Variants in GPC5 observed in about 807,000 individuals in gnomAD.
GPC5 encodes the protein glypican-5.
A neutral mutation model predicts 53.9 loss-of-function variants in GPC5; 47 were observed. That is an observed-to-expected ratio of 0.87 (90% CI 0.69 to 1.11). The LOEUF (loss-of-function observed/expected upper bound fraction) is 1.11, where lower values mean the gene tolerates loss of function less well. GPC5 is among the 50% of genes most tolerant of loss of function. The pLI is 0.00. For synonymous variants in GPC5, 286 were observed against 263.3 expected (o/e 1.09, Z -0.84); for missense variants, 748 against 713.1 (o/e 1.05, Z -0.56).
At chr13:92,213,862 G>A (rs1316895296) in intron 7 of GPC5, among the ~76,000 whole-genome samples, 1 of 152,150 alleles carries the variant, frequency 6.6e-6, no homozygotes, top group East Asian at 1.9e-4. Context: ...GCCTTATAAA[G>A]AGTATTGTAA....
At chr13:91,952,833 C>T (rs938311248) in intron 6 of GPC5, among the ~76,000 whole-genome samples, 3 of 152,010 alleles carry the variant, frequency 2.0e-5, no homozygotes, top group African/African-American at 7.3e-5. Flanking sequence ...GAATGCCATG[C>T]TGGATGTATT....
intron 7 of GPC5, among the ~76,000 whole-genome samples, chr13:92,558,042 G>A (rs899323314): frequency 1.3e-5 from 2 of 151,956 alleles, no homozygotes; most frequent in Non-Finnish European, 2.9e-5. Flanking sequence ...GATGGGATCC[G>A]AGGTACTAAA....
chr13:91,584,487 A>G (rs1027260832), intron 2 of GPC5, among the ~76,000 whole-genome samples: 8 of 152,238 alleles, frequency 5.3e-5, no homozygotes, highest in African/African-American at 1.9e-4. Flanking sequence ...ATCAGTAAAT[A>G]TCTTCATAAT....
intron 2 of GPC5, among the ~76,000 whole-genome samples, chr13:91,624,239 T>G (rs1594346515): frequency 6.6e-6 from 1 of 152,136 alleles, no homozygotes; most frequent in Non-Finnish European, 1.5e-5. Flanking sequence ...CCCTATTGTA[T>G]TCTATTTATG....
chr13:92,673,267 C>CT (rs1218567441), intron 7 of GPC5, among the ~76,000 whole-genome samples: 8 of 150,564 alleles, frequency 5.3e-5, no homozygotes, highest in African/African-American at 4.9e-5. Flanking sequence ...GTGAATTACT[C>CT]TTTTTTTTCT....
At position 92,866,402 on chromosome 13, in the gene GPC5, T is replaced by C. The variant is rs370178799; in HGVS notation, c.1682T>C (p.Leu561Pro). The stretch of plus-strand genomic sequence containing the variant: ...GCGACTGAATCTATGACATTCACTC[T>C]GATAAGTGTGGTGATGTTACTTCCC... Reference protein sequence around the residue: ...AVATESMTFTLISVVMLLPGI... With the variant: ...AVATESMTFTPISVVMLLPGI... Residue 561 changes from leucine (L) to proline (P), a missense_variant, in exon 8 of 8, where the codon CTG (leucine) becomes CCG (proline). Leu to Pro is a moderately conservative substitution (Grantham distance 98). Transcript: ENST00000377067. The C allele has an allele frequency of 2.6e-5, 42 of 1,610,738 alleles. No individual in the cohort carries two copies. The African/African-American group carries it at 5.5e-4, about 21-fold the overall frequency.
intron 5 of GPC5, among the ~76,000 whole-genome samples, chr13:91,852,505 T>C (rs953253708): frequency 1.3e-5 from 2 of 152,048 alleles, no homozygotes; most frequent in African/African-American, 4.8e-5. Context: ...TCTCTTCTTA[T>C]AGATTTGCTT....
intron 3 of GPC5, among the ~76,000 whole-genome samples, chr13:91,717,227 G>A (rs2036357799): frequency 6.6e-6 from 1 of 152,240 alleles, no homozygotes; most frequent in Non-Finnish European, 1.5e-5. Flanking sequence ...CTGAAGTGTA[G>A]GATACTCAAA....
At chr13:92,011,168 T>C (rs897797384) in intron 6 of GPC5, among the ~76,000 whole-genome samples, 4 of 152,192 alleles carry the variant, frequency 2.6e-5, no homozygotes, top group Non-Finnish European at 5.9e-5. Context: ...AGACAGAATG[T>C]GCAAAATATT....
chr13:91,810,931 G>T, intron 5 of GPC5, among the ~76,000 whole-genome samples: 3 of 134,806 alleles, frequency 2.2e-5, no homozygotes, highest in African/African-American at 2.8e-5. Context: ...CAGAGATTTT[G>T]TGTAACCAAA....
chr13:92,052,289 G>A (rs2041036097), intron 6 of GPC5, among the ~76,000 whole-genome samples: 1 of 152,128 alleles, frequency 6.6e-6, no homozygotes. Context: ...GTGGGTTCTT[G>A]GTCTCACCGA....
chr13:92,092,740 G>T (rs549112899), intron 6 of GPC5, among the ~76,000 whole-genome samples: 1 of 152,188 alleles, frequency 6.6e-6, no homozygotes, highest in African/African-American at 2.4e-5. Flanking sequence ...AATGTCAAAG[G>T]ATAATTAATT....
chr13:91,608,393 A>G (rs1373029562), intron 2 of GPC5, among the ~76,000 whole-genome samples: 3 of 152,338 alleles, frequency 2.0e-5, no homozygotes, highest in South Asian at 2.1e-4. Context: ...GAGAACAGGA[A>G]AGAGGAGAGT....
intron 7 of GPC5, among the ~76,000 whole-genome samples, chr13:92,656,754 G>C (rs1483750150): frequency 2.0e-5 from 3 of 152,158 alleles, no homozygotes; most frequent in Admixed American, 2.0e-4. Flanking sequence ...AGGAGTTCGA[G>C]ACCAACCTGG....
intron 6 of GPC5, among the ~76,000 whole-genome samples, chr13:91,986,449 A>T (rs917392835): frequency 6.6e-6 from 1 of 152,216 alleles, no homozygotes; most frequent in Non-Finnish European, 1.5e-5. Context: ...CTTTCAGATG[A>T]AATTAATTTG....
At chr13:91,531,383 A>G (rs147174560) in intron 2 of GPC5, among the ~76,000 whole-genome samples, 4 of 152,254 alleles carry the variant, frequency 2.6e-5, no homozygotes, top group African/African-American at 9.6e-5. Flanking sequence ...TTTTTTTCCT[A>G]TAAAAATTCA....
chr13:91,466,748 C>G (rs1882264127), intron 2 of GPC5, among the ~76,000 whole-genome samples: 1 of 151,986 alleles, frequency 6.6e-6, no homozygotes, highest in African/African-American at 2.4e-5. Context: ...AGGGAGGAAC[C>G]TAGGATCAAC....
At chr13:92,190,991 A>G (rs570928650) in intron 7 of GPC5, among the ~76,000 whole-genome samples, 1 of 152,184 alleles carries the variant, frequency 6.6e-6, no homozygotes, top group Admixed American at 6.5e-5. Context: ...TTAAAATATA[A>G]AAACACATGT....
intron 7 of GPC5, among the ~76,000 whole-genome samples, chr13:92,378,292 A>T (rs1385818808): frequency 6.6e-6 from 1 of 152,190 alleles, no homozygotes; most frequent in African/African-American, 2.4e-5. Flanking sequence ...CAACTAAAAC[A>T]TATTAAGAAT....
Sources: gnomAD v4.1 joint callset for allele counts (sites outside exome capture counted in the v4.1 genomes callset) on GRCh38, gnomAD v4.1.1 for gene constraint, MANE v1.5 for transcripts, NCBI Gene and HGNC (gene_info 2026-07-23, HGNC 2026-07-21) for gene names.